WFDC1: variants seen among roughly 807,000 people sequenced by gnomAD.
WFDC1 encodes WAP four-disulfide core domain 1.
In WFDC1, 39 loss-of-function variants were observed where a neutral mutation model predicts 32.9. The observed-to-expected ratio is 1.19, with a 90% CI of 0.92 to 1.55. The LOEUF (loss-of-function observed/expected upper bound fraction) is 1.55. Ranked by LOEUF, WFDC1 falls within the 40% of genes most tolerant of loss-of-function variation. The probability of loss-of-function intolerance (pLI) is 0.00; values close to 1 mark genes in which losing one functional copy is unlikely to be tolerated. For synonymous variants in WFDC1, 184 were observed against 137.4 expected (o/e 1.34, Z -2.37); for missense variants, 386 against 309.5 (o/e 1.25, Z -1.85).
chr16:84,319,277 G>A, intron 3 of WFDC1, 154 bp from the exon 4 acceptor site: 2 of 996,064 alleles, frequency 2.0e-6, no homozygotes, highest in Non-Finnish European at 2.9e-6. Context: ...GAGACCCAGG[G>A]CCTAGCCTGG....
intron 6 of WFDC1, chr16:84,327,360 A>ATT (rs34568444): frequency 0.065 from 10,626 of 162,312 alleles, 430 homozygotes; most frequent in Non-Finnish European, 0.091. Context: ...CACCTGGCTA[A>ATT]TTTTTTTTTT....
intron 6 of WFDC1, chr16:84,327,360 A>ATTT (rs34568444): frequency 0.011 from 1,821 of 162,404 alleles, 18 homozygotes; most frequent in African/African-American, 0.02. Flanking sequence ...CACCTGGCTA[A>ATTT]TTTTTTTTTT....
intron 2 of WFDC1, among the ~76,000 whole-genome samples, chr16:84,315,900 C>T (rs866589244): frequency 2.4e-4 from 37 of 152,178 alleles, no homozygotes; most frequent in Middle Eastern, 3.4e-3. Context: ...GGAGGTGATC[C>T]CAGGTAGTTC....
chr16:84,300,637 G>A (rs536531712), intron 1 of WFDC1, among the ~76,000 whole-genome samples: 1 of 152,358 alleles, frequency 6.6e-6, no homozygotes, highest in Non-Finnish European at 1.5e-5. Context: ...TCATGCTGGA[G>A]GTGGGTGGTT....
At chr16:84,322,436 A>G (rs1334006442) in intron 4 of WFDC1, among the ~76,000 whole-genome samples, 6 of 152,198 alleles carry the variant, frequency 3.9e-5, no homozygotes, top group African/African-American at 7.2e-5. Flanking sequence ...GTTTTTAAAA[A>G]CTGCATATTT....
Position 84,318,284 on chromosome 16 carries a change from T to G in WFDC1, c.350T>G (p.Leu117Arg), listed in dbSNP as rs776594562. Residue 117 changes from leucine (L) to arginine (R), a missense_variant, in exon 3 of 7, where the codon CTG (leucine) becomes CGG (arginine). By Grantham distance (102) the Leu-to-Arg change is moderately radical (BLOSUM62 -2). Coordinates refer to ENST00000219454, the MANE Select transcript of WFDC1 (RefSeq NM_021197.4). ...AVPPPPVLDW[L>R]VQPKPRWLGG... ...CGTATTGTGTTAGTCTTAGACTGGC[T>G]GGTGCAGCCGAAACCTCGATGGCTT... 3 of 1,614,038 alleles carry G rather than the reference T, an allele frequency of 1.9e-6. No homozygotes were observed. In the African/African-American group the frequency reaches 4.0e-5, roughly 22 times the overall value.
intron 1 of WFDC1, among the ~76,000 whole-genome samples, chr16:84,296,142 A>G (rs894926976): frequency 2.0e-5 from 3 of 152,180 alleles, no homozygotes; most frequent in Non-Finnish European, 2.9e-5. Context: ...CGATATCAGC[A>G]CACAGAGGGC....
intron 4 of WFDC1, among the ~76,000 whole-genome samples, chr16:84,323,272 A>G (rs898408561): frequency 1.3e-5 from 2 of 152,340 alleles, no homozygotes; most frequent in Non-Finnish European, 1.5e-5. Context: ...TATGGCCACA[A>G]AACAAAAGAA....
Position 84,329,554 on chromosome 16 carries a change from G to T in WFDC1, c.*248G>T, listed in dbSNP as rs1338024839. On this transcript the variant is annotated 3_prime_UTR_variant, in exon 7 of 7. Coordinates refer to ENST00000219454, the MANE Select transcript of WFDC1 (RefSeq NM_021197.4). ...ACCATCCTGGGAGCAAGGCCCTGCA[G>T]CTCCACGAGACCTTTACCCCGGGAA... is the stretch of plus-strand genomic sequence containing the variant. 6.6e-6 allele frequency: 1 copy of T among 152,250 alleles called. No individual in the cohort carries two copies. The allele number at this position is 152,250 out of a possible 1,614,324, so 9.4% of individuals were successfully genotyped here.
At chr16:84,316,822 A>G (rs1222267413) in intron 2 of WFDC1, 4 of 152,132 alleles carry the variant, frequency 2.6e-5, no homozygotes, top group African/African-American at 9.7e-5. Flanking sequence ...TACTAAAAAT[A>G]CAAAAATTAG....
chr16:84,319,707 C>A, intron 4 of WFDC1, 136 bp downstream of exon 4: 1 of 1,168,350 alleles, frequency 8.6e-7, no homozygotes, highest in Non-Finnish European at 1.2e-6. Flanking sequence ...CTCCTCACAT[C>A]TTCCCCCTGC....
chr16:84,307,710 C>CCGA (rs1907347118), intron 1 of WFDC1, among the ~76,000 whole-genome samples: 1 of 152,178 alleles, frequency 6.6e-6, no homozygotes, highest in Non-Finnish European at 1.5e-5. Context: ...CCGCCCCCTC[C>CCGA]CGACGACGTA....
chr16:84,313,613 T>A (rs558173755), intron 2 of WFDC1, among the ~76,000 whole-genome samples: 26 of 152,350 alleles, frequency 1.7e-4, no homozygotes, highest in Non-Finnish European at 3.1e-4. Context: ...TGCCCCTGGA[T>A]GAGGAGGTGT....
chr16:84,322,806 C>T (rs1377878240), intron 4 of WFDC1, among the ~76,000 whole-genome samples: 1 of 152,174 alleles, frequency 6.6e-6, no homozygotes, highest in African/African-American at 2.4e-5. Flanking sequence ...AAAATCGGTG[C>T]ATTTTTCTGA....
intron 1 of WFDC1, among the ~76,000 whole-genome samples, chr16:84,300,244 G>A (rs558803335): frequency 6.6e-6 from 1 of 152,374 alleles, no homozygotes; most frequent in East Asian, 1.9e-4. Context: ...TGCCGGGGAG[G>A]TAACACCTGT....
intron 4 of WFDC1, among the ~76,000 whole-genome samples, chr16:84,323,852 G>A (rs1042699717): frequency 2.0e-5 from 3 of 152,244 alleles, no homozygotes; most frequent in Admixed American, 6.5e-5. Flanking sequence ...CGGGCATGGC[G>A]GCTCACGCCT....
intron 1 of WFDC1, among the ~76,000 whole-genome samples, chr16:84,296,275 G>A (rs991126141): frequency 6.6e-6 from 1 of 152,240 alleles, no homozygotes; most frequent in Non-Finnish European, 1.5e-5. Flanking sequence ...AAATAATTGT[G>A]ACTTTGTTTG....
chr16:84,297,582 A>G (rs1906672500), intron 1 of WFDC1, among the ~76,000 whole-genome samples: 2 of 134,356 alleles, frequency 1.5e-5, no homozygotes, highest in African/African-American at 5.6e-5. Flanking sequence ...GTGCCATTGC[A>G]CTCCAGCCTG....
At chr16:84,326,825 G>A (rs1160790079) in intron 5 of WFDC1, 57 bp from the exon 6 acceptor site, 2 of 1,607,132 alleles carry the variant, frequency 1.2e-6, no homozygotes, top group Non-Finnish European at 1.7e-6. Flanking sequence ...GAGCCACGGG[G>A]GGCATTAGAG....
Sources: gnomAD v4.1 joint callset for allele counts (sites outside exome capture counted in the v4.1 genomes callset) on GRCh38, gnomAD v4.1.1 for gene constraint, MANE v1.5 for transcripts, NCBI Gene and HGNC (gene_info 2026-07-23, HGNC 2026-07-21) for gene names.